The following SLCO2A1 variants were observed in gnomAD, a reference collection of about 807,000 sequenced individuals.
SLCO2A1 encodes solute carrier organic anion transporter family member 2A1, also known as matrin F/G 1.
SLCO2A1 carries 60 observed loss-of-function variants against 71.7 expected under a neutral mutation model. The observed-to-expected ratio is 0.84, with a 90% CI of 0.68 to 1.04. The LOEUF (loss-of-function observed/expected upper bound fraction) is 1.04. Among genes scored for constraint, SLCO2A1 ranks in the 50% least tolerant of loss-of-function variants. The pLI is 0.00. For synonymous variants in SLCO2A1, 308 were observed against 326.7 expected (o/e 0.94, Z 0.62); for missense variants, 745 against 813.4 (o/e 0.92, Z 1.02).
At chr3:133,964,493 G>A (rs1016226673) in intron 3 of SLCO2A1, among the ~76,000 whole-genome samples, 4 of 152,162 alleles carry the variant, frequency 2.6e-5, no homozygotes, top group Non-Finnish European at 2.9e-5. Context: ...TAAGAACTTG[G>A]AAACTGGGTC....
At chr3:133,939,812 T>C (rs981520623) in intron 11 of SLCO2A1, among the ~76,000 whole-genome samples, 1 of 152,200 alleles carries the variant, frequency 6.6e-6, no homozygotes, top group Non-Finnish European at 1.5e-5. Context: ...TTCTAGTCTC[T>C]GTCCCATGTG....
chr3:134,006,196 T>G (rs1935211263), intron 1 of SLCO2A1, among the ~76,000 whole-genome samples: 1 of 152,130 alleles, frequency 6.6e-6, no homozygotes, highest in Non-Finnish European at 1.5e-5. Context: ...CTACCATGCC[T>G]GGCTAATTTT....
At chr3:133,985,037 T>C (rs1459350141) in intron 1 of SLCO2A1, among the ~76,000 whole-genome samples, 1 of 152,224 alleles carries the variant, frequency 6.6e-6, no homozygotes, top group Non-Finnish European at 1.5e-5. Flanking sequence ...GGATATTCAG[T>C]AACTTGAAGC....
At chr3:133,962,336 TC>T (rs1934055793) in intron 3 of SLCO2A1, among the ~76,000 whole-genome samples, 1 of 152,116 alleles carries the variant, frequency 6.6e-6, no homozygotes, top group African/African-American at 2.4e-5. Context: ...CTCCTCGGCC[TC>T]CCAAAGTGCT....
intron 3 of SLCO2A1, among the ~76,000 whole-genome samples, chr3:133,969,033 G>A (rs183448612): frequency 2.8e-3 from 426 of 151,876 alleles, no homozygotes; most frequent in Non-Finnish European, 3.0e-3. Context: ...TCCCATGTTC[G>A]TTTCTGGAGC....
chr3:133,956,554 C>T (rs549152285), intron 3 of SLCO2A1, among the ~76,000 whole-genome samples: 46 of 152,286 alleles, frequency 3.0e-4, no homozygotes, highest in Non-Finnish European at 5.0e-4. Context: ...TAGTTGTGTC[C>T]GTGGAAGGAA....
At chr3:133,942,361 T>C (rs1933446719) in intron 11 of SLCO2A1, 4 of 423,102 alleles carry the variant, frequency 9.5e-6, no homozygotes, top group Non-Finnish European at 1.7e-5. Flanking sequence ...ACATGGACGC[T>C]GTGGGACTGA....
rs34171405 is a variant in SLCO2A1 at position 134,021,984 on chromosome 3, CAA to C, written c.96+7721_96+7722del. ...TCTGTAGCTGCAACTGCTTTGCTAA[CAA>C]AAAAAAAAAAGTAAAAAAAAAACTT... On this transcript the variant is annotated intron_variant, in intron 1 of 13. Coordinates refer to ENST00000310926, the MANE Select transcript of SLCO2A1 (RefSeq NM_005630.3). Among the ~76,000 whole-genome samples the C allele has an allele frequency of 3.2e-3, 432 of 134,292 alleles. 6 individuals carry two copies. Among genetic ancestry groups the C allele is most frequent in the African/African-American group, 0.011 (372 of 35,134 alleles). 88.1% of individuals were successfully genotyped at this position (134,292 alleles called of 152,430 possible).
rs1007094344 is a variant in SLCO2A1 at position 133,949,035 on chromosome 3, C to T, written c.862-64G>A. ...CTCACTGTAGCCACCCTTCCCTGAG[C>T]CCTTGAGTCTCTGGCCTCAGAAGCT... On this transcript the variant is annotated intron_variant, in intron 6 of 13. Coordinates refer to ENST00000310926, the MANE Select transcript of SLCO2A1 (RefSeq NM_005630.3). The T allele has an allele frequency of 1.6e-5, 22 of 1,410,370 alleles. No homozygotes were observed. In the Admixed American group the frequency reaches 3.7e-4, roughly 24 times the overall value. The allele number at this position is 1,410,370 out of a possible 1,614,324, so 87.4% of individuals were successfully genotyped here.
intron 10 of SLCO2A1, among the ~76,000 whole-genome samples, chr3:133,944,795 GC>G (rs1479650869): frequency 1.3e-5 from 2 of 152,230 alleles, no homozygotes; most frequent in Non-Finnish European, 2.9e-5. Context: ...GGGCTCAAAG[GC>G]CTCAGCTGAA....
chr3:134,026,363 G>C (rs1417289134), intron 1 of SLCO2A1, among the ~76,000 whole-genome samples: 1 of 151,176 alleles, frequency 6.6e-6, no homozygotes, highest in Non-Finnish European at 1.5e-5. Flanking sequence ...TAGATACGTA[G>C]GCATAGAGCT....
At chr3:133,942,797 G>A in intron 10 of SLCO2A1, 29 bp from the exon 11 acceptor site, 1 of 1,575,090 alleles carries the variant, frequency 6.3e-7, no homozygotes, top group African/African-American at 1.4e-5. Flanking sequence ...GGAAAAAGGG[G>A]GAAATTTGTT....
chr3:134,003,287 T>A (rs1277789859), intron 1 of SLCO2A1, among the ~76,000 whole-genome samples: 1 of 152,196 alleles, frequency 6.6e-6, no homozygotes, highest in Non-Finnish European at 1.5e-5. Context: ...TCACCTACCT[T>A]TCCAGCACAT....
chr3:134,024,324 A>G (rs1389050777), intron 1 of SLCO2A1, among the ~76,000 whole-genome samples: 1 of 152,252 alleles, frequency 6.6e-6, no homozygotes, highest in Non-Finnish European at 1.5e-5. Context: ...CCCATGACGA[A>G]TACCATATCA....
At chr3:133,971,020 G>A (rs954875152) in intron 3 of SLCO2A1, among the ~76,000 whole-genome samples, 2 of 152,278 alleles carry the variant, frequency 1.3e-5, no homozygotes, top group African/African-American at 4.8e-5. Context: ...CCAGTCTCCT[G>A]TGGCTGCTCA....
At chr3:134,018,787 G>T (rs571881998) in intron 1 of SLCO2A1, among the ~76,000 whole-genome samples, 1 of 127,738 alleles carries the variant, frequency 7.8e-6, no homozygotes, top group African/African-American at 3.0e-5. Flanking sequence ...ATTACTAAAT[G>T]AACCTGTTTA....
At chr3:134,016,093 A>G (rs930681938) in intron 1 of SLCO2A1, among the ~76,000 whole-genome samples, 2 of 152,234 alleles carry the variant, frequency 1.3e-5, no homozygotes, top group African/African-American at 4.8e-5. Flanking sequence ...AGAATGAAAT[A>G]TAGAAGAAAT....
At chr3:133,991,172 G>A (rs1057040758) in intron 1 of SLCO2A1, among the ~76,000 whole-genome samples, 1 of 152,156 alleles carries the variant, frequency 6.6e-6, no homozygotes, top group Non-Finnish European at 1.5e-5. Flanking sequence ...AGGTGGGCAG[G>A]CTTCTAGGTT....
Position 133,955,172 on chromosome 3 carries a change from G to A in SLCO2A1, c.419C>T (p.Ala140Val), listed in dbSNP as rs1933851998. Residue 140 changes from alanine to valine, a missense_variant, in exon 4 of 14, where the codon GCC becomes GTC. Coordinates refer to ENST00000310926, the MANE Select transcript of SLCO2A1 (RefSeq NM_005630.3). ...ASTGNNSRLQ[A>V]ELCQKHWQDL... ...CTGCCAATGCTTCTGGCAGAGCTCG[G>A]CCTGCAAGCGGCTGTTGTTCCCTGC... 1.2e-6 allele frequency: 2 copies of A among 1,613,530 alleles called. No individual in the cohort carries two copies. The highest frequency in any genetic ancestry group is 1.7e-6 in the Non-Finnish European group (2 of 1,179,864).
Sources: allele counts gnomAD v4.1 joint callset (sites outside exome capture counted in the v4.1 genomes callset), GRCh38; gene constraint gnomAD v4.1.1; transcripts MANE v1.5; gene names NCBI Gene and HGNC (gene_info 2026-07-23, HGNC 2026-07-21).